Variants in ITGA4 observed in about 807,000 individuals in gnomAD.
The protein encoded by ITGA4 is integrin alpha-4.
A neutral mutation model predicts 133.6 loss-of-function variants in ITGA4; 63 were observed. That is an observed-to-expected ratio of 0.47 (90% CI 0.38 to 0.58). ITGA4 has a LOEUF of 0.58. Among genes scored for constraint, ITGA4 ranks in the 20% least tolerant of loss-of-function variants. ITGA4 has a pLI of 0.00. For synonymous variants in ITGA4, 483 were observed against 438.0 expected (o/e 1.10, Z -1.28); for missense variants, 1,076 against 1,252.7 (o/e 0.86, Z 2.13).
In ITGA4 at chr2:181,534,941, C is replaced by T. The variant is rs749690234; in HGVS notation, c.3003+6C>T. 1 of 1,556,412 alleles carries T rather than the reference C, an allele frequency of 6.4e-7. No individual in the cohort carries two copies. Among genetic ancestry groups the T allele is most frequent in the Non-Finnish European group, 8.6e-7 (1 of 1,158,108 alleles). Reference sequence around the variant, plus strand: ...TCTCATATGTTATGTGGAAGGTAAGCATTTAACAATTACCAACATTAGTCT... The same window carrying T: ...TCTCATATGTTATGTGGAAGGTAAGTATTTAACAATTACCAACATTAGTCT... On this transcript the variant is annotated splice_donor_region_variant and intron_variant, in intron 27 of 27. Transcript: ENST00000397033.
rs1685639455 is a variant in ITGA4 at position 181,474,929 on chromosome 2, C to A, written c.320-31C>A. On this transcript the variant is annotated intron_variant, in intron 2 of 27. Transcript: ENST00000397033. ...CTTCTTTTGTAGAATGTTTTCAATACAACTGATAAAATTATTTTCACATGC... is the reference window on the plus strand; with the variant it reads ...CTTCTTTTGTAGAATGTTTTCAATAAAACTGATAAAATTATTTTCACATGC... 3.9e-6 allele frequency: 6 copies of A among 1,539,710 alleles called. No homozygotes were observed. In the East Asian group the frequency reaches 1.1e-4, roughly 29 times the overall value.
chr2:181,485,853 G>T lies in ITGA4; in HGVS notation c.1042-28G>T, dbSNP rs1469323793. 19 of 1,553,556 alleles carry T rather than the reference G, an allele frequency of 1.2e-5. No homozygotes were observed. In the East Asian group the frequency reaches 4.1e-4, roughly 33 times the overall value. The stretch of plus-strand genomic sequence containing the variant: ...TAAAGTTGTCAGGGAGTGTTATAAT[G>T]ACACGTTTTCTCTCCCTTTCTATCT... On this transcript the variant is annotated intron_variant, in intron 9 of 27. Transcript: ENST00000397033.
chr2:181,520,033 G>A (rs1383621504), intron 17 of ITGA4, among the ~76,000 whole-genome samples: 2 of 152,048 alleles, frequency 1.3e-5, no homozygotes, highest in African/African-American at 2.4e-5. Context: ...TTCTCCCCAA[G>A]GCAAATTAGT....
chr2:181,521,266 C>A (rs1220200716), intron 17 of ITGA4, among the ~76,000 whole-genome samples: 1 of 152,114 alleles, frequency 6.6e-6, no homozygotes, highest in Non-Finnish European at 1.5e-5. Context: ...TAGCACATAG[C>A]TGTTCTAACC....
intron 7 of ITGA4, 47 bp downstream of exon 7, chr2:181,481,730 T>C (rs757657377): frequency 3.3e-6 from 3 of 899,790 alleles, no homozygotes; most frequent in Non-Finnish European, 5.3e-6. Flanking sequence ...GGTTCAAATA[T>C]ATTGCATGAA....
At chr2:181,512,317 T>C (rs931861348) in intron 17 of ITGA4, among the ~76,000 whole-genome samples, 4 of 151,976 alleles carry the variant, frequency 2.6e-5, no homozygotes, top group African/African-American at 9.7e-5. Flanking sequence ...CGGGGAACTA[T>C]TTTTGGGAGA....
intron 2 of ITGA4, among the ~76,000 whole-genome samples, chr2:181,467,695 G>A (rs1685453010): frequency 1.3e-5 from 2 of 152,162 alleles, no homozygotes; most frequent in Admixed American, 6.5e-5. Flanking sequence ...TCAGCTAAAA[G>A]CTTCAGAAAG....
chr2:181,520,376 A>C (rs1347397045), intron 17 of ITGA4, among the ~76,000 whole-genome samples: 1 of 152,054 alleles, frequency 6.6e-6, no homozygotes, highest in African/African-American at 2.4e-5. Flanking sequence ...TGTGCAGTGA[A>C]AGTGAAGCAG....
intron 11 of ITGA4, among the ~76,000 whole-genome samples, chr2:181,494,271 T>C (rs1192659853): frequency 6.6e-6 from 1 of 152,152 alleles, no homozygotes; most frequent in African/African-American, 2.4e-5. Flanking sequence ...AATTCTTATT[T>C]AGTTATTCAT....
chr2:181,521,742 T>C (rs1487680789), intron 17 of ITGA4, among the ~76,000 whole-genome samples: 1 of 152,194 alleles, frequency 6.6e-6, no homozygotes, highest in African/African-American at 2.4e-5. Context: ...TTCTACCAAG[T>C]ATTCCTTCTA....
chr2:181,459,113 C>T (rs1404832516), intron 2 of ITGA4: 1 of 152,080 alleles, frequency 6.6e-6, no homozygotes, highest in Non-Finnish European at 1.5e-5. Flanking sequence ...ACTTTTTTCC[C>T]CTTAAAGCAA....
At chr2:181,489,484 A>T (rs2105740096) in intron 10 of ITGA4, among the ~76,000 whole-genome samples, 1 of 152,316 alleles carries the variant, frequency 6.6e-6, no homozygotes, top group Non-Finnish European at 1.5e-5. Context: ...ACCACTATTT[A>T]TCGGTTTAGT....
At chr2:181,526,360 A>G (rs952058411) in intron 21 of ITGA4, among the ~76,000 whole-genome samples, 2 of 152,166 alleles carry the variant, frequency 1.3e-5, no homozygotes, top group African/African-American at 4.8e-5. Flanking sequence ...TTCCTGTTTC[A>G]TGAGTTTCTA....
intron 2 of ITGA4, among the ~76,000 whole-genome samples, chr2:181,468,720 A>G (rs1449260): frequency 0.73 from 111,600 of 152,128 alleles, 41,329 homozygotes; most frequent in South Asian, 0.77. Flanking sequence ...ATGCTGATAC[A>G]CATCAGTAGG....
intron 10 of ITGA4, 125 bp downstream of exon 10, chr2:181,486,117 T>A (rs985795677): frequency 7.7e-7 from 1 of 1,306,862 alleles, no homozygotes; most frequent in Non-Finnish European, 1.0e-6. Context: ...GCATGCTAAG[T>A]TTTTTCTTTT....
intron 15 of ITGA4, among the ~76,000 whole-genome samples, chr2:181,500,996 A>C (rs1285890361): frequency 6.6e-6 from 1 of 152,202 alleles, no homozygotes; most frequent in East Asian, 1.9e-4. Flanking sequence ...AATTTTAAAT[A>C]GGATACTCAG....
At chr2:181,484,825 G>A (rs1186427876) in intron 9 of ITGA4, among the ~76,000 whole-genome samples, 1 of 152,204 alleles carries the variant, frequency 6.6e-6, no homozygotes, top group Non-Finnish European at 1.5e-5. Context: ...TACAGAGGAA[G>A]TAGTGTTTGA....
chr2:181,467,283 C>T (rs6744702), intron 2 of ITGA4, among the ~76,000 whole-genome samples: 4,240 of 151,898 alleles, frequency 0.028, 202 homozygotes, highest in African/African-American at 0.098. Context: ...TGAAACTTCA[C>T]ATCACATCAT....
chr2:181,519,068 C>T (rs1686667448), intron 17 of ITGA4, among the ~76,000 whole-genome samples: 3 of 151,860 alleles, frequency 2.0e-5, no homozygotes. Context: ...TGTCAAAAGT[C>T]CCATGGATAA....
Sources: allele counts gnomAD v4.1 joint callset (sites outside exome capture counted in the v4.1 genomes callset), GRCh38; gene constraint gnomAD v4.1.1; transcripts MANE v1.5; gene names NCBI Gene and HGNC (gene_info 2026-07-23, HGNC 2026-07-21).